PDPK1: variants seen among roughly 807,000 people sequenced by gnomAD.
The protein encoded by PDPK1 is 3-phosphoinositide-dependent protein kinase 1.
PDPK1 carries 7 observed loss-of-function variants against 39.8 expected under a neutral mutation model. That is an observed-to-expected ratio of 0.18 (90% confidence interval 0.10 to 0.33). The LOEUF (loss-of-function observed/expected upper bound fraction) is 0.33. Ranked by LOEUF, PDPK1 falls within the 10% of genes least tolerant of loss-of-function variation. The pLI, the probability that PDPK1 is intolerant of heterozygous loss-of-function variation, is 1.00. For synonymous variants in PDPK1, 118 were observed against 159.1 expected, an observed-to-expected ratio of 0.74 and a Z score of 1.95; for missense variants, 182 against 384.7, an observed-to-expected ratio of 0.47 and a Z score of 4.41.
chr16:2,597,355 G>C lies in PDPK1; in HGVS notation c.1554+80G>C. 2 of 1,290,734 alleles carry C rather than the reference G, an allele frequency of 1.5e-6. No homozygotes were observed. The highest frequency in any genetic ancestry group is 2.2e-6 in the Non-Finnish European group (2 of 923,216). The allele number at this position is 1,290,734 out of a possible 1,614,324, so 80.0% of individuals were successfully genotyped here. A position where few individuals can be genotyped will look rare whatever the true frequency, so the allele number is the denominator to read the frequency against. On this transcript the variant is annotated intron_variant, in intron 13 of 13. Coordinates refer to ENST00000342085, the MANE Select transcript of PDPK1 (RefSeq NM_002613.5). The surrounding 1 kb of genome is among the most constrained non-coding windows in gnomAD (Gnocchi z 6.3). ...ACGTGGGAAGCAGCCACAGGCCTTG[G>C]CCAGAGGGAGCAGCGGGGATCGGGG...
In PDPK1 at chr16:2,597,921, A is replaced by G. The variant is rs953423940; in HGVS notation, c.*154A>G. 1.7e-6 allele frequency: 1 copy of G among 588,564 alleles called. No individual in the cohort carries two copies. The highest frequency in any genetic ancestry group is 3.0e-6 in the Non-Finnish European group (1 of 331,724). The allele number at this position is 588,564 out of a possible 1,614,324, so 36.5% of individuals were successfully genotyped here. ...GCATTTTTATTTAAAAGAAAAGAAG[A>G]AAAAAAACACCCAACCACACAAAGA... On this transcript the variant is annotated 3_prime_UTR_variant, in exon 14 of 14. Coordinates refer to ENST00000342085, the MANE Select transcript of PDPK1 (RefSeq NM_002613.5). This position sits in a 1 kb window ranked among gnomAD's most constrained non-coding sequence, Gnocchi z 6.3.
At chr16:2,591,111 T>A (rs968569058) in intron 11 of PDPK1, among the ~76,000 whole-genome samples, 1 of 152,158 alleles carries the variant, frequency 6.6e-6, no homozygotes, top group Non-Finnish European at 1.5e-5. Flanking sequence ...TACAGGCGTG[T>A]ACCACCACAC....
At chr16:2,592,879 C>A (rs773035685) in intron 11 of PDPK1, 1 of 456,530 alleles carries the variant, frequency 2.2e-6, no homozygotes. Flanking sequence ...GATGCTGGCG[C>A]GGGGGTGGGT....
Position 2,580,355 on chromosome 16 carries a change from G to A in PDPK1, c.786-940G>A, listed in dbSNP as rs539538437. On this transcript the variant is annotated intron_variant, in intron 7 of 13. Transcript: ENST00000342085. The stretch of plus-strand genomic sequence containing the variant: ...GCAGGAGGAGGTCTCTTTGCCTGGG[G>A]TCAGGGTGGGGGTGCCCTGTTCTCC... 1.2e-3 allele frequency among the ~76,000 whole-genome samples: 169 copies of A among 144,904 alleles called. 25 individuals are homozygous for A. Among genetic ancestry groups the A allele is most frequent in the African/African-American group, 4.5e-3 (165 of 36,404 alleles).
At chr16:2,594,262 T>C (rs886985865) in intron 11 of PDPK1, 1 of 152,264 alleles carries the variant, frequency 6.6e-6, no homozygotes, top group African/African-American at 2.4e-5. Context: ...AACATATTAT[T>C]GGCCGGGGGT....
chr16:2,539,078 CTTTT>C (rs57517702), intron 1 of PDPK1: 610 of 145,884 alleles, frequency 4.2e-3, no homozygotes, highest in South Asian at 0.014. Context: ...CAGGATGCGG[CTTTT>C]TTTTTTTTTT....
intron 1 of PDPK1, among the ~76,000 whole-genome samples, chr16:2,546,237 C>T (rs2066343335): frequency 6.6e-6 from 1 of 151,724 alleles, no homozygotes; most frequent in Admixed American, 6.6e-5. Flanking sequence ...GTGCCTACCA[C>T]TGCGCCCGGC....
rs1022395449 is a variant in PDPK1 at position 2,599,793 on chromosome 16, C to G, written c.*2026C>G. The stretch of plus-strand genomic sequence containing the variant: ...GGCTCTCTCAGATCTCTCAGGGCGT[C>G]TGGTTATAGGGAAACAAGTGGAGCA... On this transcript the variant is annotated 3_prime_UTR_variant, in exon 14 of 14. Transcript: ENST00000342085. 2.6e-5 allele frequency: 6 copies of G among 233,642 alleles called. No homozygotes were observed. The highest frequency in any genetic ancestry group is 5.1e-5 in the Non-Finnish European group (6 of 118,368). The allele number at this position is 233,642 out of a possible 1,614,324, so 14.5% of individuals were successfully genotyped here.
In PDPK1 at chr16:2,586,906, G is replaced by A; in HGVS notation, c.1343+13G>A. ...GCGGAAACCCTTGGTAAGAACTTAT[G>A]GACATAAGCAATGCTTTTTGCAGAA... On this transcript the variant is annotated intron_variant, in intron 11 of 13. Coordinates refer to ENST00000342085, the MANE Select transcript of PDPK1 (RefSeq NM_002613.5). 7 of 1,610,876 alleles carry A rather than the reference G, an allele frequency of 4.3e-6. No homozygotes were observed. The highest frequency in any genetic ancestry group is 5.9e-6 in the Non-Finnish European group (7 of 1,177,116).
intron 11 of PDPK1, among the ~76,000 whole-genome samples, chr16:2,588,204 G>A (rs917556892): frequency 6.6e-6 from 1 of 152,230 alleles, no homozygotes; most frequent in East Asian, 1.9e-4. Flanking sequence ...GATGCTGGCA[G>A]GCAGCAACAG....
At chr16:2,541,781 T>A (rs1382745770) in intron 1 of PDPK1, among the ~76,000 whole-genome samples, 1 of 152,220 alleles carries the variant, frequency 6.6e-6, no homozygotes, top group Non-Finnish European at 1.5e-5. Flanking sequence ...CAGAATTGCA[T>A]TATTCACTTG....
rs1287974512 is a variant in PDPK1, at chr16:2,601,470, A to G, written c.*3703A>G. ...GCCGTGGCTTTCAAGCGCTTGGCAG[A>G]ATCTTGTACTTCGTGTCCACAATGG... On this transcript the variant is annotated 3_prime_UTR_variant, in exon 14 of 14. Transcript: ENST00000342085. 1.3e-5 allele frequency: 3 copies of G among 234,592 alleles called. No individual in the cohort carries two copies. Among genetic ancestry groups the G allele is most frequent in the Non-Finnish European group, 2.5e-5 (3 of 117,908 alleles). 14.5% of individuals were successfully genotyped at this position (234,592 alleles called of 1,614,324 possible).
At chr16:2,543,990 C>T (rs2066288612) in intron 1 of PDPK1, among the ~76,000 whole-genome samples, 1 of 151,922 alleles carries the variant, frequency 6.6e-6, no homozygotes, top group Non-Finnish European at 1.5e-5. Context: ...CCACCTCGGC[C>T]CCCCAAAGTG....
At chr16:2,540,008 C>A (rs568870054) in intron 1 of PDPK1, among the ~76,000 whole-genome samples, 5 of 152,322 alleles carry the variant, frequency 3.3e-5, no homozygotes, top group Non-Finnish European at 5.9e-5. Context: ...GAGGAAGTGT[C>A]ACGAACGAGC....
Position 2,597,009 on chromosome 16 carries a change from G to A in PDPK1, c.1402-114G>A, listed in dbSNP as rs2067117078. 6.0e-6 allele frequency: 4 copies of A among 670,676 alleles called. No homozygotes were observed. Among genetic ancestry groups the A allele is most frequent in the Admixed American group, 2.9e-5 (1 of 34,960 alleles). 41.5% of individuals were successfully genotyped at this position (670,676 alleles called of 1,614,324 possible). A position where few individuals can be genotyped will look rare whatever the true frequency, so the allele number is the denominator to read the frequency against. On this transcript the variant is annotated intron_variant, in intron 12 of 13. Coordinates refer to ENST00000342085, the MANE Select transcript of PDPK1 (RefSeq NM_002613.5). This position sits in a 1 kb window ranked among gnomAD's most constrained non-coding sequence, Gnocchi z 6.3. ...CTGCCCCTGGGTGAGTGCACAGGTGGTGGTGGTGGCCCTGTGTCCTGAGCA... is the reference window on the plus strand; with the variant it reads ...CTGCCCCTGGGTGAGTGCACAGGTGATGGTGGTGGCCCTGTGTCCTGAGCA...
Position 2,597,397 on chromosome 16 carries a change from T to G in PDPK1, c.1554+122T>G. 1 of 905,078 alleles carries G rather than the reference T, an allele frequency of 1.1e-6. No homozygotes were observed. The highest frequency in any genetic ancestry group is 1.7e-6 in the Non-Finnish European group (1 of 582,730). The allele number at this position is 905,078 out of a possible 1,614,324, so 56.1% of individuals were successfully genotyped here. ...GGATCGGGGCAGCTGCCTCGCCCTT[T>G]CCGACATCCCAGACGCCCACACTAG... On this transcript the variant is annotated intron_variant, in intron 13 of 13. Transcript: ENST00000342085. The surrounding 1 kb of genome is among the most constrained non-coding windows in gnomAD (Gnocchi z 6.3).
At position 2,595,881 on chromosome 16, in the gene PDPK1, C is replaced by T. The variant is rs202230134; in HGVS notation, c.1401+31C>T. ...TGGTCAGTGGTCCCGCTGCTCCGCACGGACACCTGCATCTTCCCCGACTCC... is the reference window on the plus strand; with the variant it reads ...TGGTCAGTGGTCCCGCTGCTCCGCATGGACACCTGCATCTTCCCCGACTCC... On this transcript the variant is annotated intron_variant, in intron 12 of 13. Transcript: ENST00000342085. 1.1e-4 allele frequency: 176 copies of T among 1,557,706 alleles called. 1 individual carries two copies. In the African/African-American group the frequency reaches 1.3e-3, roughly 12 times the overall value.
intron 11 of PDPK1, among the ~76,000 whole-genome samples, chr16:2,588,815 T>TTTTTTGTAA (rs747440928): frequency 1.1e-4 from 16 of 152,198 alleles, no homozygotes; most frequent in Non-Finnish European, 1.8e-4. Flanking sequence ...CAGGGCAGTT[T>TTTTTTGTAA]TTTTTGTAAT....
In PDPK1 at chr16:2,591,678, G is replaced by A. The variant is rs527715966; in HGVS notation, c.1344-4115G>A. ...ACACAGATCTCAGCAGAGTATGGGC[G>A]CAGGTGGATGCGGGGACCCAGCACT... On this transcript the variant is annotated intron_variant, in intron 11 of 13. Transcript: ENST00000342085. Among the ~76,000 whole-genome samples, 74 of 152,340 alleles carry A rather than the reference G, an allele frequency of 4.9e-4. 1 individual carries two copies. Among genetic ancestry groups the A allele is most frequent in the Admixed American group, 3.3e-3 (51 of 15,298 alleles).
Sources: allele counts gnomAD v4.1 joint callset (sites outside exome capture counted in the v4.1 genomes callset), GRCh38; gene constraint gnomAD v4.1.1; non-coding constraint Gnocchi (gnomAD v3.1); transcripts MANE v1.5; gene names NCBI Gene and HGNC (gene_info 2026-07-23, HGNC 2026-07-21).